Variants in TMPRSS2 observed in about 807,000 individuals in gnomAD.
TMPRSS2 encodes the protein transmembrane protease serine 2.
In TMPRSS2, 59 loss-of-function variants were observed where a neutral mutation model predicts 67.4. That is an observed-to-expected ratio of 0.88 (90% CI 0.71 to 1.09). The LOEUF (loss-of-function observed/expected upper bound fraction) is 1.09, where lower values mean the gene tolerates loss of function less well. Among genes scored for constraint, TMPRSS2 ranks in the 50% least tolerant of loss-of-function variants. TMPRSS2 has a pLI of 0.00. For synonymous variants in TMPRSS2, 257 were observed against 257.0 expected (o/e 1.00, Z 0.00); for missense variants, 668 against 642.7 (o/e 1.04, Z -0.43).
intron 9 of TMPRSS2, 112 bp downstream of exon 9, chr21:41,473,213 C>A: frequency 1.6e-6 from 2 of 1,251,782 alleles, no homozygotes; most frequent in Non-Finnish European, 2.2e-6. Context: ...AATACTCTCC[C>A]CATTTAAACA....
rs746151019 is a variant in TMPRSS2 at position 41,494,454 on chromosome 21, G to A, written c.140C>T (p.Ser47Phe). 1.9e-6 allele frequency: 3 copies of A among 1,613,864 alleles called. No individual in the cohort carries two copies. In the Admixed American group the frequency reaches 5.0e-5, roughly 27 times the overall value. Residue 47 changes from serine to phenylalanine, a missense_variant, in exon 3 of 14, where the codon TCC becomes TTC. Physicochemically the swap from Ser to Phe is radical, Grantham distance 155. Transcript: ENST00000332149. ...CCTCGGGGCGTACTGGGGCACGGGG[G>A]ACGGGTAGTACTGAGCCGGATGCAC... ...YEVHPAQYYPSPVPQYAPRVL... is the reference protein window; with the variant it reads ...YEVHPAQYYPFPVPQYAPRVL...
intron 1 of TMPRSS2, among the ~76,000 whole-genome samples, chr21:41,506,128 A>G (rs945205184): frequency 1.3e-5 from 2 of 152,242 alleles, no homozygotes; most frequent in Admixed American, 6.5e-5. Context: ...TTCAAGATAG[A>G]GTGGCCAACG....
At chr21:41,496,544 T>C (rs2091383599) in intron 2 of TMPRSS2, among the ~76,000 whole-genome samples, 2 of 152,222 alleles carry the variant, frequency 1.3e-5, no homozygotes, top group South Asian at 4.1e-4. Flanking sequence ...AGTAGCATTT[T>C]ATTCTCAGCT....
At chr21:41,505,763 A>G (rs1220074082) in intron 1 of TMPRSS2, among the ~76,000 whole-genome samples, 1 of 152,136 alleles carries the variant, frequency 6.6e-6, no homozygotes. Flanking sequence ...TGCTGGTAAC[A>G]TTCCAACATC....
Position 41,482,402 on chromosome 21 carries a change from C to G in TMPRSS2, c.446-1800G>C, listed in dbSNP as rs562664177. On this transcript the variant is annotated intron_variant, in intron 5 of 13. Transcript: ENST00000332149. ...TGAACAGGAAGAAGCTTGAAAACAG[C>G]GCTGTGGGAAAGAGAGCAAGTGATA... Among the ~76,000 whole-genome samples the G allele has an allele frequency of 9.2e-5, 14 of 152,266 alleles. No individual in the cohort carries two copies. In the South Asian group the frequency reaches 2.7e-3, roughly 29 times the overall value.
chr21:41,473,832 C>G (rs186100658), intron 8 of TMPRSS2, among the ~76,000 whole-genome samples: 111 of 147,108 alleles, frequency 7.5e-4, no homozygotes, highest in African/African-American at 2.6e-3. Flanking sequence ...GATTCTCACA[C>G]AAAGAAAAGG....
At chr21:41,471,674 G>T in intron 10 of TMPRSS2, 132 bp downstream of exon 10, 2 of 1,034,716 alleles carry the variant, frequency 1.9e-6, no homozygotes, top group Non-Finnish European at 2.8e-6. Flanking sequence ...CTCTCCCATT[G>T]GCCACCCGCT....
rs185103560 is a variant in TMPRSS2 at position 41,501,690 on chromosome 21, G to A, written c.-56-3501C>T. 6.0e-5 allele frequency among the ~76,000 whole-genome samples: 9 copies of A among 150,540 alleles called. No individual in the cohort carries two copies. The East Asian group carries it at 7.8e-4, about 13-fold the overall frequency. On this transcript the variant is annotated intron_variant, in intron 1 of 13. Coordinates refer to ENST00000332149, the MANE Select transcript of TMPRSS2 (RefSeq NM_005656.4). Reference sequence around the variant, plus strand: ...AATAAAACAAGGGGGGGAATGTCCCGCTCTGACATTAGATCTGCAAGGGGA... The same window carrying A: ...AATAAAACAAGGGGGGGAATGTCCCACTCTGACATTAGATCTGCAAGGGGA...
At position 41,476,568 on chromosome 21, in the gene TMPRSS2, T is replaced by G. The variant is rs1186980479; in HGVS notation, c.727+9A>C. On this transcript the variant is annotated intron_variant, in intron 8 of 13. Coordinates refer to ENST00000332149, the MANE Select transcript of TMPRSS2 (RefSeq NM_005656.4). ...GAAGTATCAAAAGGGGGACTCCAGA[T>G]GAACTTACCTATACAGCGTAAAGAA... 6.2e-7 allele frequency: 1 copy of G among 1,612,870 alleles called. No individual in the cohort carries two copies. The highest frequency in any genetic ancestry group is 8.5e-7 in the Non-Finnish European group (1 of 1,179,534).
chr21:41,468,364 G>A (rs770147567), intron 12 of TMPRSS2, 32 bp downstream of exon 12: 1 of 1,613,062 alleles, frequency 6.2e-7, no homozygotes, highest in South Asian at 1.1e-5. Context: ...GATCTGGTAA[G>A]GACCAAAGGT....
At position 41,489,524 on chromosome 21, in the gene TMPRSS2, C is replaced by A; in HGVS notation, c.308G>T (p.Gly103Val). The change falls in exon 4 of 14, where the codon GGC becomes GTC. Residue 103 changes from glycine (G) to valine (V), a missense_variant. Gly to Val is a moderately radical substitution (Grantham distance 109). Coordinates refer to ENST00000332149, the MANE Select transcript of TMPRSS2 (RefSeq NM_005656.4). Reference protein sequence around the residue: ...TFLVGAALAAGLLWKFMGSKC... With the variant: ...TFLVGAALAAVLLWKFMGSKC... ...GCACTTACTGAACTTCCAGAGTAGG[C>A]CAGCGGCCAGCGCAGCTCCCACGAG... is the stretch of plus-strand genomic sequence containing the variant. 6.2e-7 allele frequency: 1 copy of A among 1,614,020 alleles called. No homozygotes were observed. Among genetic ancestry groups the A allele is most frequent in the South Asian group, 1.1e-5 (1 of 91,078 alleles).
intron 5 of TMPRSS2, among the ~76,000 whole-genome samples, chr21:41,485,867 G>C (rs980142467): frequency 1.3e-5 from 2 of 152,202 alleles, no homozygotes; most frequent in Non-Finnish European, 2.9e-5. Context: ...CGGAACACTT[G>C]GGCCTGCTCA....
At chr21:41,498,884 C>G (rs1448268163) in intron 1 of TMPRSS2, among the ~76,000 whole-genome samples, 1 of 152,110 alleles carries the variant, frequency 6.6e-6, no homozygotes, top group Non-Finnish European at 1.5e-5. Flanking sequence ...TTGTGTTAAG[C>G]TGAGGGTTGT....
At chr21:41,485,757 TA>T (rs2091292950) in intron 5 of TMPRSS2, among the ~76,000 whole-genome samples, 1 of 152,078 alleles carries the variant, frequency 6.6e-6, no homozygotes, top group Non-Finnish European at 1.5e-5. Flanking sequence ...AGAAACCAAA[TA>T]AAGCAAAAGA....
chr21:41,500,091 A>G (rs1048570141), intron 1 of TMPRSS2, among the ~76,000 whole-genome samples: 5 of 152,192 alleles, frequency 3.3e-5, no homozygotes, highest in African/African-American at 1.2e-4. Flanking sequence ...GCAGCGGTTC[A>G]GCCCCTGACC....
At chr21:41,499,098 C>T (rs967637980) in intron 1 of TMPRSS2, among the ~76,000 whole-genome samples, 1 of 152,126 alleles carries the variant, frequency 6.6e-6, no homozygotes, top group Non-Finnish European at 1.5e-5. Flanking sequence ...TTAATAGATA[C>T]ATACGCTTAA....
chr21:41,471,902 G>T lies in TMPRSS2; in HGVS notation c.979C>A (p.Gln327Lys). The T allele has an allele frequency of 1.2e-6, 2 of 1,613,440 alleles. No individual in the cohort carries two copies. The highest frequency in any genetic ancestry group is 1.7e-6 in the Non-Finnish European group (2 of 1,179,826). Residue 327 changes from glutamine to lysine, a missense_variant, in exon 10 of 14, where the codon CAA (glutamine) becomes AAA (lysine). Transcript: ENST00000332149. The stretch of plus-strand genomic sequence containing the variant: ...GGATGAGAAATCACTTTTTCTACTT[G>T]GTATCCGGCTCCATAGAACATGAAA... ...QSFMFYGAGY[Q>K]VEKVISHPNY...
At position 41,505,627 on chromosome 21, in the gene TMPRSS2, AG is replaced by A. The variant is rs2091452577; in HGVS notation, c.-57+2453del. On this transcript the variant is annotated intron_variant, in intron 1 of 13. Coordinates refer to ENST00000332149, the MANE Select transcript of TMPRSS2 (RefSeq NM_005656.4). ...AGAGGGAGCAGCACGGAGCCCAGGT[AG>A]GGCTGTGGGCAGGGGCTGGGCTCTT... 2.0e-5 allele frequency among the ~76,000 whole-genome samples: 3 copies of A among 152,304 alleles called. No homozygotes were observed. The South Asian group carries it at 6.2e-4, about 32-fold the overall frequency.
At chr21:41,499,066 G>A (rs422761) in intron 1 of TMPRSS2, among the ~76,000 whole-genome samples, 18,096 of 151,616 alleles carry the variant, frequency 0.12, 2,010 homozygotes, top group East Asian at 0.31. Flanking sequence ...TTTAAAGCAG[G>A]CCATGTGGGC....
Sources: gnomAD v4.1 joint callset for allele counts (sites outside exome capture counted in the v4.1 genomes callset) on GRCh38, gnomAD v4.1.1 for gene constraint, MANE v1.5 for transcripts, NCBI Gene and HGNC (gene_info 2026-07-23, HGNC 2026-07-21) for gene names.